LRP2: variants seen among roughly 807,000 people sequenced by gnomAD.
LRP2 encodes the protein LDL receptor related protein 2.
Under a neutral mutation model 531.0 loss-of-function variants are expected in LRP2, and 172 were observed. That is an observed-to-expected ratio of 0.32 (90% confidence interval 0.29 to 0.37). The LOEUF is 0.37. LRP2 is among the 10% of genes least tolerant of loss of function. The pLI is 1.00. For missense variants in LRP2, 5,167 were observed against 5,868.3 expected, an observed-to-expected ratio of 0.88 and a Z score of 3.90; for synonymous variants, 1,992 against 2,027.6, an observed-to-expected ratio of 0.98 and a Z score of 0.47.
At chr2:169,174,809 CTTT>C (rs36105004) in intron 55 of LRP2, among the ~76,000 whole-genome samples, 2 of 128,530 alleles carry the variant, frequency 1.6e-5, no homozygotes, top group East Asian at 2.2e-4. Flanking sequence ...TGTGCTCAGT[CTTT>C]TTTTTTTTTT....
intron 26 of LRP2, among the ~76,000 whole-genome samples, chr2:169,238,865 G>A (rs1461799736): frequency 6.6e-6 from 1 of 152,168 alleles, no homozygotes; most frequent in Non-Finnish European, 1.5e-5. Context: ...CTGACCAATA[G>A]GATGTGAGTA....
chr2:169,243,581 C>T (rs1689893252), intron 22 of LRP2, 59 bp from the exon 23 acceptor site: 10 of 1,609,572 alleles, frequency 6.2e-6, no homozygotes, highest in Non-Finnish European at 8.5e-6. Context: ...AGTACCAGAG[C>T]CAAACTAAAA....
Position 169,241,036 on chromosome 2 carries a change from C to G in LRP2, c.3997G>C (p.Asp1333His). 1 of 1,614,110 alleles carries G rather than the reference C, an allele frequency of 6.2e-7. No individual in the cohort carries two copies. The highest frequency in any genetic ancestry group is 8.5e-7 in the Non-Finnish European group (1 of 1,180,030). ...CCATTGGGGCAGTCAAAGATGCCAT[C>G]ACACACTACACTCAGATTCACACAG... ...NICVNLSVVC[D>H]GIFDCPNGTD... Residue 1333 changes from aspartate to histidine, a missense_variant, in exon 25 of 79, where the codon GAT becomes CAT. By Grantham distance (81) the Asp-to-His change is moderately conservative. Around this residue, in one of 6 missense-constraint regions of LRP2, gnomAD observed 2,811 missense variants for 3,058.0 expected, o/e 0.92. Coordinates refer to ENST00000649046, the MANE Select transcript of LRP2 (RefSeq NM_004525.3).
chr2:169,258,244 G>A (rs1158565332), intron 17 of LRP2, among the ~76,000 whole-genome samples: 3 of 151,962 alleles, frequency 2.0e-5, no homozygotes, highest in South Asian at 2.1e-4. Context: ...TAATAGCTGC[G>A]GGCCCTTTCA....
chr2:169,157,722 T>G lies in LRP2; in HGVS notation c.11888-220A>C, dbSNP rs3732041. ...GATAAATGCATATAATGCTAAAACT[T>G]TGAGGCAATTTTCACATTATATGCA... is the stretch of plus-strand genomic sequence containing the variant. On this transcript the variant is annotated intron_variant, in intron 63 of 78. Coordinates refer to ENST00000649046, the MANE Select transcript of LRP2 (RefSeq NM_004525.3). Among the ~76,000 whole-genome samples, 3 of 152,098 alleles carry G rather than the reference T, an allele frequency of 2.0e-5. No homozygotes were observed. In the East Asian group the frequency reaches 5.8e-4, roughly 30 times the overall value.
At chr2:169,143,967 C>T (rs1011243616) in intron 70 of LRP2, among the ~76,000 whole-genome samples, 3 of 152,168 alleles carry the variant, frequency 2.0e-5, no homozygotes, top group South Asian at 2.1e-4. Context: ...ATTACCATTT[C>T]GTCGGCCCTC....
At chr2:169,232,321 G>A (rs1469946465) in intron 30 of LRP2, among the ~76,000 whole-genome samples, 2 of 151,980 alleles carry the variant, frequency 1.3e-5, no homozygotes, top group Non-Finnish European at 2.9e-5. Flanking sequence ...ATCTCTGTGT[G>A]TCTCTGCACC....
At chr2:169,209,305 G>A in intron 38 of LRP2, 148 bp downstream of exon 38, 1 of 723,768 alleles carries the variant, frequency 1.4e-6, no homozygotes, top group Non-Finnish European at 2.5e-6. Flanking sequence ...TAGACACGTA[G>A]CTTAATCTAG....
intron 1 of LRP2, among the ~76,000 whole-genome samples, chr2:169,327,653 G>A (rs1685125008): frequency 6.8e-5 from 1 of 14,682 alleles, no homozygotes; most frequent in African/African-American, 3.1e-4. Context: ...CGTCCGGGAG[G>A]GAGGTGGGGG....
In LRP2 at chr2:169,244,924, A is replaced by G; in HGVS notation, c.3199T>C (p.Cys1067Arg). The G allele has an allele frequency of 6.2e-7, 1 of 1,614,232 alleles. No homozygotes were observed. Among genetic ancestry groups the G allele is most frequent in the Non-Finnish European group, 8.5e-7 (1 of 1,180,032 alleles). The part of the protein sequence containing the change: ...EQLCGTLNNT[C>R]SSSAFTCGHG... ...CCACAGGTGAACGCCGAAGATGAAC[A>G]GGTATTATCTACAATAGTAACAAAC... The change falls in exon 22 of 79, where the codon TGT (cysteine) becomes CGT (arginine). Residue 1067 changes from cysteine (C) to arginine (R), a missense_variant. Around this residue, in one of 6 missense-constraint regions of LRP2, gnomAD observed 2,811 missense variants for 3,058.0 expected, o/e 0.92. Transcript: ENST00000649046.
Position 169,362,390 on chromosome 2 carries a change from C to G in LRP2, c.10G>C (p.Gly4Arg), listed in dbSNP as rs781681275. Residue 4 changes from glycine (G) to arginine (R), a missense_variant, in exon 1 of 79, where the codon GGG becomes CGG. Coordinates refer to ENST00000649046, the MANE Select transcript of LRP2 (RefSeq NM_004525.3). MDR[G>R]PAAVACTLLL... The stretch of plus-strand genomic sequence containing the variant: ...AGCGTGCACGCCACTGCTGCCGGCC[C>G]GCGATCCATCTCCGCGACGGTCCCC... 3 of 1,564,318 alleles carry G rather than the reference C, an allele frequency of 1.9e-6. No homozygotes were observed. The highest frequency in any genetic ancestry group is 3.7e-5 in the Admixed American group (2 of 54,482).
At chr2:169,270,878 C>A in intron 16 of LRP2, 26 bp downstream of exon 16, 1 of 1,586,322 alleles carries the variant, frequency 6.3e-7, no homozygotes, top group Non-Finnish European at 8.7e-7. Flanking sequence ...CATACACACA[C>A]ACACACACAC....
At chr2:169,141,301 C>T (rs1685710539) in intron 71 of LRP2, among the ~76,000 whole-genome samples, 1 of 152,236 alleles carries the variant, frequency 6.6e-6, no homozygotes, top group African/African-American at 2.4e-5. Context: ...ACAATCCCCA[C>T]TCACCCCATC....
chr2:169,229,360 T>C (rs986522434), intron 31 of LRP2, among the ~76,000 whole-genome samples: 54 of 152,144 alleles, frequency 3.5e-4, no homozygotes, highest in African/African-American at 1.3e-3. Context: ...TGAACGACAA[T>C]ATATATGACC....
chr2:169,170,443 C>T lies in LRP2; in HGVS notation c.11380+108G>A, dbSNP rs530361279. 23 of 833,304 alleles carry T rather than the reference C, an allele frequency of 2.8e-5. No homozygotes were observed. The African/African-American group carries it at 3.2e-4, about 11-fold the overall frequency. The allele number at this position is 833,304 out of a possible 1,614,324, so 51.6% of individuals were successfully genotyped here. A position where few individuals can be genotyped will look rare whatever the true frequency, so the allele number is the denominator to read the frequency against. ...GTGTTATGCTAAGGTTTACATATTA[C>T]ACATATACAAAAATAATTTTCCTCT... On this transcript the variant is annotated intron_variant, in intron 59 of 78. Transcript: ENST00000649046.
At chr2:169,211,548 C>A (rs1183082113) in intron 37 of LRP2, among the ~76,000 whole-genome samples, 2 of 152,160 alleles carry the variant, frequency 1.3e-5, no homozygotes, top group Non-Finnish European at 2.9e-5. Context: ...CCATAAATCT[C>A]CATTAATAAT....
At chr2:169,257,811 A>G (rs542234772) in intron 17 of LRP2, among the ~76,000 whole-genome samples, 2 of 127,286 alleles carry the variant, frequency 1.6e-5, no homozygotes, top group South Asian at 7.0e-4. Flanking sequence ...TCTAGAGGCA[A>G]AAAAAAACAA....
chr2:169,240,621 T>A (rs1689769177), intron 25 of LRP2: 1 of 422,822 alleles, frequency 2.4e-6, no homozygotes, highest in African/African-American at 2.0e-5. Context: ...ATCCCTGGAC[T>A]TCATTTTTTT....
chr2:169,226,343 G>C (rs543770250), intron 32 of LRP2, 79 bp downstream of exon 32: 1 of 1,174,932 alleles, frequency 8.5e-7, no homozygotes, highest in East Asian at 2.3e-5. Flanking sequence ...CATGACAAAA[G>C]TTTGCTTATA....
Sources: gnomAD v4.1 joint callset for allele counts (sites outside exome capture counted in the v4.1 genomes callset) on GRCh38, gnomAD v4.1.1 for gene constraint, gnomAD v4.1.1 regional missense constraint, MANE v1.5 for transcripts, NCBI Gene and HGNC (gene_info 2026-07-23, HGNC 2026-07-21) for gene names.